ERCC6: variants seen among roughly 807,000 people sequenced by gnomAD.
ERCC6 encodes the protein DNA excision repair protein ERCC-6.
ERCC6 carries 116 observed loss-of-function variants against 158.7 expected under a neutral mutation model. The observed-to-expected ratio is 0.73, with a 90% CI of 0.63 to 0.85. The LOEUF is 0.85. Among genes scored for constraint, ERCC6 ranks in the 40% least tolerant of loss-of-function variants. The pLI is 0.00. For missense variants in ERCC6, 1,698 were observed against 1,799.4 expected, an observed-to-expected ratio of 0.94 and a Z score of 1.02; for synonymous variants, 678 against 659.3, an observed-to-expected ratio of 1.03 and a Z score of -0.43.
In ERCC6 at chr10:49,454,695, G is replaced by GA. The variant is rs1241328999; in HGVS notation, c.*4119_*4120insT. Among the ~76,000 whole-genome samples, 1 of 151,780 alleles carries GA rather than the reference G, an allele frequency of 6.6e-6. No individual in the cohort carries two copies. Among genetic ancestry groups the GA allele is most frequent in the African/African-American group, 2.4e-5 (1 of 41,116 alleles). ...TATTTCAATGTTAGAAAATTTAACTGTGTACTTTACTACACCAAGAAAAGC... is the reference window on the plus strand; with the variant it reads ...TATTTCAATGTTAGAAAATTTAACTGATGTACTTTACTACACCAAGAAAAGC... On this transcript the variant is annotated 3_prime_UTR_variant, in exon 21 of 21. Coordinates refer to ENST00000355832, the MANE Select transcript of ERCC6 (RefSeq NM_000124.4).
chr10:49,460,707 G>A (rs544506076), intron 19 of ERCC6, among the ~76,000 whole-genome samples: 15 of 152,118 alleles, frequency 9.9e-5, no homozygotes, highest in Non-Finnish European at 2.2e-4. Flanking sequence ...GATCACTTGA[G>A]GTCAGGAGGT....
intron 18 of ERCC6, among the ~76,000 whole-genome samples, chr10:49,461,831 C>T (rs1850588633): frequency 6.6e-6 from 1 of 152,030 alleles, no homozygotes; most frequent in African/African-American, 2.4e-5. Flanking sequence ...ACAGAAAAGA[C>T]CAAACACTTA....
intron 3 of ERCC6, among the ~76,000 whole-genome samples, chr10:49,529,605 A>C (rs1837421480): frequency 6.6e-6 from 1 of 152,202 alleles, no homozygotes; most frequent in African/African-American, 2.4e-5. Context: ...AAGTGAGAGA[A>C]GATGGGGTAG....
downstream of ERCC6, among the ~76,000 whole-genome samples, chr10:49,452,019 C>T (rs1260549074): frequency 6.6e-6 from 1 of 152,004 alleles, no homozygotes; most frequent in African/African-American, 2.4e-5. Context: ...ATTGGTCAAC[C>T]TAGTGAAATA....
the ERCC6 span, among the ~76,000 whole-genome samples, chr10:49,437,979 A>G: frequency 4.6e-5 from 7 of 152,202 alleles, no homozygotes; most frequent in African/African-American, 1.7e-4. Flanking sequence ...AATACCTAAT[A>G]CAATGTAAAT....
the ERCC6 span, among the ~76,000 whole-genome samples, chr10:49,439,721 T>G: frequency 6.6e-6 from 1 of 152,196 alleles, no homozygotes; most frequent in African/African-American, 2.4e-5. Flanking sequence ...CTTATAAAAC[T>G]AAATGCCTTT....
At chr10:49,483,747 T>C (rs1045802343) in intron 8 of ERCC6, among the ~76,000 whole-genome samples, 2 of 151,682 alleles carry the variant, frequency 1.3e-5, no homozygotes, top group Admixed American at 1.3e-4. Context: ...AAAGTTATAA[T>C]ACATATATTT....
At chr10:49,446,705 G>C in the ERCC6 span, among the ~76,000 whole-genome samples, 1 of 152,322 alleles carries the variant, frequency 6.6e-6, no homozygotes, top group African/African-American at 2.4e-5. Flanking sequence ...TTGAGCCCAA[G>C]AGTTCGAGGT....
At chr10:49,473,676 C>A in intron 13 of ERCC6, 89 bp from the exon 14 acceptor site, 1 of 813,038 alleles carries the variant, frequency 1.2e-6, no homozygotes, top group South Asian at 1.3e-5. Context: ...AACACCTTCC[C>A]CAACAGGCCT....
Position 49,471,071 on chromosome 10 carries a change from G to C in ERCC6, c.2974C>G (p.Gln992Glu), listed in dbSNP as rs772104945. 7.4e-6 allele frequency: 12 copies of C among 1,614,030 alleles called. No individual in the cohort carries two copies. In the East Asian group the frequency reaches 1.8e-4, roughly 24 times the overall value. ...TCATTGGATTTGAAAAACCGCCTTT[G>C]TTTTGGGTCTTTTAGCACTCTATTT... ...LTNRVLKDPK[Q>E]RRFFKSNDLY... Residue 992 changes from glutamine (Q) to glutamate (E), a missense_variant, in exon 17 of 21, where the codon CAA becomes GAA. Physicochemically the swap from Gln to Glu is conservative, Grantham distance 29. Coordinates refer to ENST00000355832, the MANE Select transcript of ERCC6 (RefSeq NM_000124.4).
At position 49,500,635 on chromosome 10, in the gene ERCC6, G is replaced by C. The variant is rs1322113138; in HGVS notation, c.1588C>G (p.Leu530Val). ...ELHCQQAGGI[L>V]GDEMGLGKTI... ...TTGCCCAATCCCATTTCATCTCCCA[G>C]AATTCCTCCTGCCTGCTGGCAGTGC... The change falls in exon 7 of 21, where the codon CTG becomes GTG. Residue 530 changes from leucine to valine, a missense_variant. Coordinates refer to ENST00000355832, the MANE Select transcript of ERCC6 (RefSeq NM_000124.4). 1.2e-6 allele frequency: 2 copies of C among 1,613,956 alleles called. No individual in the cohort carries two copies. Among genetic ancestry groups the C allele is most frequent in the Admixed American group, 3.3e-5 (2 of 60,004 alleles).
rs1342346410 is a variant in ERCC6 at position 49,470,413 on chromosome 10, A to G, written c.3547T>C (p.Ser1183Pro). The change falls in exon 18 of 21, where the codon TCA (serine) becomes CCA (proline). Residue 1183 changes from serine to proline, a missense_variant. Transcript: ENST00000355832. Reference protein sequence around the residue: ...QMENNFYKHKSKTKHHSVAEE... With the variant: ...QMENNFYKHKPKTKHHSVAEE... ...GCCACACTATGATGTTTTGTTTTTG[A>G]CTTGTGCTTATAAAAATTATTTTCC... The G allele has an allele frequency of 6.2e-7, 1 of 1,613,942 alleles. No individual in the cohort carries two copies. The highest frequency in any genetic ancestry group is 8.5e-7 in the Non-Finnish European group (1 of 1,180,008).
chr10:49,483,281 A>G, intron 9 of ERCC6, 65 bp downstream of exon 9: 1 of 1,491,824 alleles, frequency 6.7e-7, no homozygotes, highest in South Asian at 1.1e-5. Context: ...CTAAAAGCAG[A>G]TAGTTTATTC....
Position 49,539,003 on chromosome 10 carries a change from C to A in ERCC6, c.-56G>T, listed in dbSNP as rs919720619. 1 of 152,660 alleles carries A rather than the reference C, an allele frequency of 6.6e-6. No homozygotes were observed. Among genetic ancestry groups the A allele is most frequent in the Admixed American group, 6.5e-5 (1 of 15,296 alleles). The allele number at this position is 152,660 out of a possible 1,614,324, so 9.5% of individuals were successfully genotyped here. A position where few individuals can be genotyped will look rare whatever the true frequency, so the allele number is the denominator to read the frequency against. ...GCCCACAAGGAAACAGAGACGCTAC[C>A]GCCGCCAGCCGCCTTGGAACCCAGC... On this transcript the variant is annotated 5_prime_UTR_variant, in exon 1 of 21. Transcript: ENST00000355832.
Position 49,470,354 on chromosome 10 carries a change from T to C in ERCC6, c.3606A>G (p.Pro1202=), listed in dbSNP as rs1449040554. Residue 1202 remains proline (P), a synonymous_variant, in exon 18 of 21, where the codon CCA becomes CCG. Coordinates refer to ENST00000355832, the MANE Select transcript of ERCC6 (RefSeq NM_000124.4). The stretch of plus-strand genomic sequence containing the variant: ...GCTTAGAGTTCTTAGGCTTTTGCTT[T>C]GGTCTCAGATGTTTCTCCAGGGTCT... The part of the protein sequence containing the change: ...EEETLEKHLR[P]KQKPKNSKHC... The C allele has an allele frequency of 6.2e-7, 1 of 1,614,100 alleles. No homozygotes were observed. The highest frequency in any genetic ancestry group is 8.5e-7 in the Non-Finnish European group (1 of 1,180,020).
Position 49,478,378 on chromosome 10 carries a change from A to G in ERCC6, c.2262T>C (p.Leu754=), listed in dbSNP as rs1220669490. 1 of 1,613,256 alleles carries G rather than the reference A, an allele frequency of 6.2e-7. No homozygotes were observed. The highest frequency in any genetic ancestry group is 8.5e-7 in the Non-Finnish European group (1 of 1,179,184). ...RRMKSDVKMS[L]SLPDKNEQVL... ...CCTGTTCATTTTTATCTGGCAAAGA[A>G]AGGCTCATCTTGACATCTGACTTCA... Residue 754 remains leucine (L), a synonymous_variant, in exon 11 of 21, where the codon CTT becomes CTC. Coordinates refer to ENST00000355832, the MANE Select transcript of ERCC6 (RefSeq NM_000124.4).
chr10:49,464,343 A>G (rs576597680), intron 18 of ERCC6, among the ~76,000 whole-genome samples: 13 of 152,342 alleles, frequency 8.5e-5, no homozygotes, highest in African/African-American at 3.1e-4. Flanking sequence ...GCAGCAAAGC[A>G]TTCAACAGGT....
At chr10:49,530,426 T>C (rs1450618359) in intron 3 of ERCC6, among the ~76,000 whole-genome samples, 1 of 152,180 alleles carries the variant, frequency 6.6e-6, no homozygotes, top group Non-Finnish European at 1.5e-5. Context: ...ACTAACAATA[T>C]TTTCAATTTA....
chr10:49,525,173 A>AG (rs1245035943), intron 4 of ERCC6: 1 of 231,608 alleles, frequency 4.3e-6, no homozygotes, highest in Non-Finnish European at 8.6e-6. Context: ...ACCAACATTC[A>AG]GATGGACTTA....
Sources: allele counts gnomAD v4.1 joint callset (sites outside exome capture counted in the v4.1 genomes callset), GRCh38; gene constraint gnomAD v4.1.1; transcripts MANE v1.5; gene names NCBI Gene and HGNC (gene_info 2026-07-23, HGNC 2026-07-21).